Variants in TNIP3 observed in about 807,000 individuals in gnomAD.
The protein encoded by TNIP3 is TNFAIP3 interacting protein 3, also known as TNFAIP3-interacting protein 3.
A neutral mutation model predicts 54.1 loss-of-function variants in TNIP3; 34 were observed. The ratio of observed to expected loss-of-function variants is 0.63; its 90% CI spans 0.48 to 0.84. The LOEUF (loss-of-function observed/expected upper bound fraction) is 0.84, where lower values mean the gene tolerates loss of function less well. Among genes scored for constraint, TNIP3 ranks in the 40% least tolerant of loss-of-function variants. The pLI, the probability that TNIP3 is intolerant of heterozygous loss-of-function variation, is 0.00. For missense variants in TNIP3, 366 were observed against 387.6 expected (o/e 0.94, Z 0.47); for synonymous variants, 134 against 136.8 (o/e 0.98, Z 0.14).
intron 2 of TNIP3, among the ~76,000 whole-genome samples, chr4:121,185,153 A>G (rs925125514): frequency 6.6e-6 from 1 of 152,212 alleles, no homozygotes; most frequent in Non-Finnish European, 1.5e-5. Flanking sequence ...ACAAGTCCTC[A>G]AATGATCTCG....
intron 6 of TNIP3, among the ~76,000 whole-genome samples, chr4:121,149,050 C>T (rs1435280967): frequency 6.6e-6 from 1 of 152,176 alleles, no homozygotes; most frequent in Admixed American, 6.5e-5. Flanking sequence ...TTTAACCTCT[C>T]ACATAAAAAG....
intron 1 of TNIP3, among the ~76,000 whole-genome samples, chr4:121,163,427 G>T (rs1033622069): frequency 6.6e-6 from 1 of 152,082 alleles, no homozygotes; most frequent in Admixed American, 6.6e-5. Context: ...GGCTGCTTAC[G>T]GAACAGTTAT....
chr4:121,217,023 AAG>A (rs1726826172), upstream of TNIP3, among the ~76,000 whole-genome samples: 1 of 152,196 alleles, frequency 6.6e-6, no homozygotes, highest in Non-Finnish European at 1.5e-5. Context: ...AATGAAAAAA[AAG>A]AGAAAAAAAA....
chr4:121,199,012 A>G (rs957828443), intron 2 of TNIP3, among the ~76,000 whole-genome samples: 8 of 152,222 alleles, frequency 5.3e-5, no homozygotes, highest in Admixed American at 1.3e-4. Context: ...CAGAGTCACA[A>G]AGTTGTAAAC....
chr4:121,216,487 C>A lies in TNIP3; in HGVS notation c.-5G>T, dbSNP rs1446313292. 2.0e-6 allele frequency: 3 copies of A among 1,535,698 alleles called. No homozygotes were observed. The East Asian group carries it at 7.3e-5, about 38-fold the overall frequency. On this transcript the variant is annotated 5_prime_UTR_variant, in exon 2 of 13. Transcript: ENST00000507879. ...GTGTTTCTCATTTTTGTTCATGAGCCATCCACATGGAATCTAAAATAAAAA... is the reference window on the plus strand; with the variant it reads ...GTGTTTCTCATTTTTGTTCATGAGCAATCCACATGGAATCTAAAATAAAAA...
At chr4:121,182,652 A>T in intron 3 of TNIP3, 1 of 1,533,294 alleles carries the variant, frequency 6.5e-7, no homozygotes. Context: ...CATCGAGATA[A>T]GGAGAAAAAA....
At chr4:121,203,289 T>C (rs578125003) in intron 2 of TNIP3, among the ~76,000 whole-genome samples, 1 of 152,014 alleles carries the variant, frequency 6.6e-6, no homozygotes, top group East Asian at 1.9e-4. Flanking sequence ...TATTCAGCCA[T>C]AAAAAGAAAC....
At chr4:121,173,453 A>G (rs1360474777) in intron 3 of TNIP3, among the ~76,000 whole-genome samples, 2 of 152,134 alleles carry the variant, frequency 1.3e-5, no homozygotes, top group African/African-American at 2.4e-5. Context: ...GCCTTCAAAA[A>G]CTATAGTGGT....
intron 2 of TNIP3, among the ~76,000 whole-genome samples, chr4:121,205,850 C>CAAAGGA (rs1726155212): frequency 6.6e-6 from 1 of 152,060 alleles, no homozygotes; most frequent in Non-Finnish European, 1.5e-5. Flanking sequence ...GGGTAATTTA[C>CAAAGGA]AAAGGAAAGA....
At chr4:121,147,494 C>G (rs1274798084) in intron 6 of TNIP3, among the ~76,000 whole-genome samples, 1 of 152,094 alleles carries the variant, frequency 6.6e-6, no homozygotes, top group Non-Finnish European at 1.5e-5. Context: ...TGTGGAAAAG[C>G]AAAGCATGAT....
chr4:121,175,186 C>T (rs950249180), intron 3 of TNIP3, among the ~76,000 whole-genome samples: 4 of 152,162 alleles, frequency 2.6e-5, no homozygotes, highest in Admixed American at 6.5e-5. Context: ...CTTCTTCTTA[C>T]ATTAAAAGGA....
chr4:121,182,507 G>T (rs990257469), intron 3 of TNIP3, among the ~76,000 whole-genome samples: 1 of 152,178 alleles, frequency 6.6e-6, no homozygotes, highest in Non-Finnish European at 1.5e-5. Flanking sequence ...TTAGTAACAG[G>T]AAGTGGCTGT....
At chr4:121,178,182 T>C (rs1298253215) in intron 3 of TNIP3, among the ~76,000 whole-genome samples, 1 of 152,184 alleles carries the variant, frequency 6.6e-6, no homozygotes, top group Admixed American at 6.5e-5. Context: ...TGAGTTTAGG[T>C]CCAGAATCTA....
intron 2 of TNIP3, among the ~76,000 whole-genome samples, chr4:121,195,869 T>C (rs1327206252): frequency 6.6e-6 from 1 of 152,228 alleles, no homozygotes; most frequent in East Asian, 1.9e-4. Context: ...TGAACTGGTT[T>C]TGTGAGTGAT....
At chr4:121,205,150 G>A (rs959375787) in intron 2 of TNIP3, among the ~76,000 whole-genome samples, 10 of 152,162 alleles carry the variant, frequency 6.6e-5, no homozygotes, top group Non-Finnish European at 1.0e-4. Flanking sequence ...TGTTAGCTGG[G>A]GAGATGGGAA....
chr4:121,170,728 T>G (rs1189270500), intron 3 of TNIP3, among the ~76,000 whole-genome samples: 1 of 152,162 alleles, frequency 6.6e-6, no homozygotes, highest in African/African-American at 2.4e-5. Flanking sequence ...ATCTTATAAG[T>G]TAATATATTG....
chr4:121,225,021 A>C (rs993260840), intron 1 of TNIP3, among the ~76,000 whole-genome samples: 6 of 152,336 alleles, frequency 3.9e-5, no homozygotes, highest in African/African-American at 1.4e-4. Flanking sequence ...CCATATTTGA[A>C]ATTTAAGATG....
At chr4:121,200,594 C>T (rs1725828396) in intron 2 of TNIP3, among the ~76,000 whole-genome samples, 1 of 151,936 alleles carries the variant, frequency 6.6e-6, no homozygotes, top group African/African-American at 2.4e-5. Flanking sequence ...CAACAAACTG[C>T]TGTCTTTTCC....
intron 2 of TNIP3, among the ~76,000 whole-genome samples, chr4:121,215,042 G>A (rs1312141114): frequency 6.6e-6 from 1 of 152,184 alleles, no homozygotes; most frequent in Non-Finnish European, 1.5e-5. Flanking sequence ...GATACTGAAT[G>A]TAATTGATTG....
Sources: gnomAD v4.1 joint callset for allele counts (sites outside exome capture counted in the v4.1 genomes callset) on GRCh38, gnomAD v4.1.1 for gene constraint, MANE v1.5 for transcripts, NCBI Gene and HGNC (gene_info 2026-07-23, HGNC 2026-07-21) for gene names.